ARHGAP29: variants seen among roughly 807,000 people sequenced by gnomAD.
ARHGAP29 encodes the protein Rho GTPase activating protein 29.
In ARHGAP29, 43 loss-of-function variants were observed where a neutral mutation model predicts 122.6. The ratio of observed to expected loss-of-function variants is 0.35; its 90% CI spans 0.27 to 0.45. ARHGAP29 has a LOEUF of 0.45. Among genes scored for constraint, ARHGAP29 ranks in the 20% least tolerant of loss-of-function variants. ARHGAP29 has a pLI of 1.00. For missense variants in ARHGAP29, 1,303 were observed against 1,477.2 expected (o/e 0.88, Z 1.93); for synonymous variants, 506 against 497.1 (o/e 1.02, Z -0.24).
rs200002585 is a variant in ARHGAP29, at chr1:94,196,260, T to C, written c.1281+5460A>G. ...TTTCGATTTTTCCGTGTTTTTCTTT[T>C]TTTTTTTTTTTTTTTTTTTGAGACG... On this transcript the variant is annotated intron_variant, in intron 12 of 22. Coordinates refer to ENST00000260526, the MANE Select transcript of ARHGAP29 (RefSeq NM_004815.4). Among the ~76,000 whole-genome samples, 224 of 102,962 alleles carry C rather than the reference T, an allele frequency of 2.2e-3. 1 individual carries two copies. Among genetic ancestry groups the C allele is most frequent in the African/African-American group, 6.3e-3 (172 of 27,340 alleles). The allele number at this position is 102,962 out of a possible 152,430, so 67.5% of individuals were successfully genotyped here.
At position 94,171,608 on chromosome 1, in the gene ARHGAP29, C is replaced by T. The variant is rs1267945459; in HGVS notation, c.*2261G>A. ...CACAACACAGTGCACACTGTGGATC[C>T]TCTAGAAATAGCAACCTCTTCTCAA... On this transcript the variant is annotated 3_prime_UTR_variant, in exon 23 of 23. Coordinates refer to ENST00000260526, the MANE Select transcript of ARHGAP29 (RefSeq NM_004815.4). The T allele has an allele frequency of 6.6e-6, 1 of 152,150 alleles. No homozygotes were observed. The highest frequency in any genetic ancestry group is 1.5e-5 in the Non-Finnish European group (1 of 68,038). The allele number at this position is 152,150 out of a possible 1,614,324, so 9.4% of individuals were successfully genotyped here.
chr1:94,215,716 T>C (rs1465511795), intron 3 of ARHGAP29, among the ~76,000 whole-genome samples: 1 of 152,068 alleles, frequency 6.6e-6, no homozygotes, highest in Non-Finnish European at 1.5e-5. Flanking sequence ...AAGCCTTTCC[T>C]AATACTCAAA....
intron 1 of ARHGAP29, among the ~76,000 whole-genome samples, chr1:94,236,208 A>AT (rs1354052646): frequency 6.6e-6 from 1 of 151,948 alleles, no homozygotes; most frequent in Non-Finnish European, 1.5e-5. Flanking sequence ...TATGCAAACA[A>AT]TTTTTAAAGG....
chr1:94,199,486 C>G, intron 12 of ARHGAP29, among the ~76,000 whole-genome samples: 1 of 152,216 alleles, frequency 6.6e-6, no homozygotes, highest in East Asian at 1.9e-4. Flanking sequence ...TCTCTCTGGG[C>G]TAGCTAATTC....
intron 1 of ARHGAP29, among the ~76,000 whole-genome samples, chr1:94,266,162 A>G (rs937070586): frequency 5.9e-5 from 9 of 152,200 alleles, no homozygotes; most frequent in African/African-American, 1.7e-4. Context: ...TTTCTACAGC[A>G]ATGCTAGCAG....
intron 10 of ARHGAP29, 81 bp from the exon 11 acceptor site, chr1:94,202,813 T>C (rs1650934376): frequency 8.4e-6 from 13 of 1,548,140 alleles, no homozygotes; most frequent in Admixed American, 2.0e-5. Context: ...AGCAAGATAG[T>C]TAAGACAATA....
chr1:94,180,471 AAACT>A (rs1273381738), intron 19 of ARHGAP29, among the ~76,000 whole-genome samples: 4 of 152,224 alleles, frequency 2.6e-5, no homozygotes, highest in African/African-American at 9.6e-5. Context: ...GTACCTTCTC[AAACT>A]AACAAAGGGC....
intron 2 of ARHGAP29, among the ~76,000 whole-genome samples, chr1:94,221,714 T>C (rs888280147): frequency 2.0e-5 from 3 of 150,886 alleles, no homozygotes; most frequent in Non-Finnish European, 3.0e-5. Flanking sequence ...TGTACACATA[T>C]GCATGTCTAT....
intron 22 of ARHGAP29, among the ~76,000 whole-genome samples, chr1:94,175,807 T>C (rs376151625): frequency 7.9e-5 from 12 of 152,226 alleles, no homozygotes; most frequent in African/African-American, 2.2e-4. Context: ...TGGGTTCAGG[T>C]GATTCTCTTG....
the ARHGAP29 span, among the ~76,000 whole-genome samples, chr1:94,308,631 C>T: frequency 6.6e-6 from 1 of 152,178 alleles, no homozygotes; most frequent in Non-Finnish European, 1.5e-5. Flanking sequence ...ATCTTGTGCA[C>T]CATTTCAAAT....
rs142196186 is a variant in ARHGAP29 at position 94,205,169 on chromosome 1, C to T, written c.589G>A (p.Val197Met). ...GNFSPLELDN[V>M]LLKNTDSIEL... ...ATAGAGTCAGTGTTCTTTAACAGCA[C>T]GTTGTCTAGTTCTAAAGGGGAAAAA... Residue 197 changes from valine to methionine, a missense_variant, in exon 7 of 23, where the codon GTG (valine) becomes ATG (methionine). Coordinates refer to ENST00000260526, the MANE Select transcript of ARHGAP29 (RefSeq NM_004815.4). 6.4e-5 allele frequency: 103 copies of T among 1,597,378 alleles called. No individual in the cohort carries two copies. The Admixed American group carries it at 6.5e-4, about 10-fold the overall frequency.
the ARHGAP29 span, among the ~76,000 whole-genome samples, chr1:94,292,031 A>G: frequency 2.6e-5 from 4 of 152,126 alleles, no homozygotes; most frequent in Non-Finnish European, 4.4e-5. Context: ...CTCCTGGATA[A>G]TATCCTGAAG....
chr1:94,234,858 G>C (rs1358235801), intron 1 of ARHGAP29, among the ~76,000 whole-genome samples: 1 of 152,074 alleles, frequency 6.6e-6, no homozygotes. Flanking sequence ...GTAAATTAGA[G>C]AATTGGTCAC....
intron 7 of ARHGAP29, 21 bp downstream of exon 7, chr1:94,205,040 A>G: frequency 6.5e-7 from 1 of 1,549,392 alleles, no homozygotes. Flanking sequence ...TCTAAATCAG[A>G]TGCTTTAAAA....
intron 7 of ARHGAP29, among the ~76,000 whole-genome samples, chr1:94,204,499 G>C (rs1651073128): frequency 6.6e-6 from 1 of 151,066 alleles, no homozygotes; most frequent in African/African-American, 2.5e-5. Flanking sequence ...ATAGGCTTTG[G>C]GTAGATTCTA....
At chr1:94,281,755 A>AAC in the ARHGAP29 span, among the ~76,000 whole-genome samples, 44 of 152,134 alleles carry the variant, frequency 2.9e-4, no homozygotes, top group African/African-American at 1.1e-3. Context: ...ATAGAGTATA[A>AAC]ACAGTAGGAC....
chr1:94,294,918 A>C, the ARHGAP29 span, among the ~76,000 whole-genome samples: 1 of 152,372 alleles, frequency 6.6e-6, no homozygotes, highest in East Asian at 1.9e-4. Flanking sequence ...TGAAAATTCA[A>C]TTATTTTGAG....
intron 3 of ARHGAP29, among the ~76,000 whole-genome samples, chr1:94,218,351 C>G (rs1234490936): frequency 6.6e-6 from 1 of 152,062 alleles, no homozygotes; most frequent in Non-Finnish European, 1.5e-5. Flanking sequence ...TACAATAATC[C>G]CAAGTATAAA....
chr1:94,185,455 TC>T lies in ARHGAP29; in HGVS notation c.1806del (p.Thr604HisfsTer2), dbSNP rs1334221880. ...AGAGCTGCCTTTGACATCAATGTTT[TC>T]TTAAATGTTCCAAGGGAATTGGGTC... is the stretch of plus-strand genomic sequence containing the variant. Reference protein sequence around the residue: ...ETGPNSLGTFKKTLMSKAALT... With the variant: ...ETGPNSLGTFXKTLMSKAALT... On this transcript the variant is annotated frameshift_variant, in exon 17 of 23. Transcript: ENST00000260526. LOFTEE classifies it high-confidence loss of function. The T allele has an allele frequency of 6.2e-7, 1 of 1,609,598 alleles. No individual in the cohort carries two copies. Among genetic ancestry groups the T allele is most frequent in the Non-Finnish European group, 8.5e-7 (1 of 1,178,606 alleles).
Sources: allele counts gnomAD v4.1 joint callset (sites outside exome capture counted in the v4.1 genomes callset), GRCh38; gene constraint gnomAD v4.1.1; transcripts MANE v1.5; gene names NCBI Gene and HGNC (gene_info 2026-07-23, HGNC 2026-07-21).